Variants in FSIP1 observed in about 807,000 individuals in gnomAD.
FSIP1 encodes the protein fibrous sheath interacting protein 1.
Under a neutral mutation model 60.9 loss-of-function variants are expected in FSIP1, and 65 were observed. The ratio of observed to expected loss-of-function variants is 1.07; its 90% CI spans 0.87 to 1.31. The LOEUF is 1.31. FSIP1 is among the 40% of genes most tolerant of loss of function. The pLI, the probability that FSIP1 is intolerant of heterozygous loss-of-function variation, is 0.00. For missense variants in FSIP1, 675 were observed against 665.5 expected (o/e 1.01, Z -0.16); for synonymous variants, 209 against 221.2 (o/e 0.94, Z 0.49).
chr15:39,768,566 T>A (rs1595402189), intron 3 of FSIP1, among the ~76,000 whole-genome samples: 1 of 152,354 alleles, frequency 6.6e-6, no homozygotes, highest in East Asian at 1.9e-4. Context: ...AATATCTGGA[T>A]GAAGGGAAGA....
intron 8 of FSIP1, among the ~76,000 whole-genome samples, chr15:39,729,173 AG>A (rs1371646963): frequency 2.0e-5 from 3 of 152,256 alleles, no homozygotes; most frequent in African/African-American, 7.2e-5. Flanking sequence ...TGTGGAAAGC[AG>A]TGTGGCAATT....
chr15:39,706,285 G>GA (rs1158800007), intron 10 of FSIP1, among the ~76,000 whole-genome samples: 1 of 152,086 alleles, frequency 6.6e-6, no homozygotes, highest in Non-Finnish European at 1.5e-5. Context: ...TTTTCCAGGA[G>GA]AAAAAATAAC....
chr15:39,614,940 T>C (rs1350027462), intron 11 of FSIP1, among the ~76,000 whole-genome samples: 2 of 152,126 alleles, frequency 1.3e-5, no homozygotes, highest in African/African-American at 4.8e-5. Context: ...TAAAAACAGA[T>C]AAGTCAATCA....
At chr15:39,740,052 T>A (rs761727154) in intron 6 of FSIP1, among the ~76,000 whole-genome samples, 18 of 152,222 alleles carry the variant, frequency 1.2e-4, no homozygotes, top group Admixed American at 4.6e-4. Context: ...GTTGATTCCA[T>A]GAGAATGATG....
intron 8 of FSIP1, among the ~76,000 whole-genome samples, chr15:39,728,102 G>A (rs1896267156): frequency 6.6e-6 from 1 of 152,238 alleles, no homozygotes; most frequent in South Asian, 2.1e-4. Flanking sequence ...CCTCTACAAT[G>A]AGAATTAAAA....
downstream of FSIP1, chr15:39,599,045 C>T (rs1265388048): frequency 6.6e-6 from 1 of 152,238 alleles, no homozygotes; most frequent in Middle Eastern, 3.2e-3. Flanking sequence ...CCTGCCTCAG[C>T]CTCCCAAGTA....
chr15:39,711,802 A>T (rs1230592750), intron 10 of FSIP1, among the ~76,000 whole-genome samples: 1 of 146,102 alleles, frequency 6.8e-6, no homozygotes, highest in Non-Finnish European at 1.5e-5. Flanking sequence ...CTCCTGCCTC[A>T]GCCTCCCAAG....
intron 8 of FSIP1, among the ~76,000 whole-genome samples, chr15:39,733,409 A>G (rs528213189): frequency 6.6e-6 from 1 of 152,316 alleles, no homozygotes; most frequent in African/African-American, 2.4e-5. Context: ...AACCCAACTT[A>G]GAAAACTGTA....
chr15:39,674,601 A>G (rs1893864859), intron 10 of FSIP1, among the ~76,000 whole-genome samples: 1 of 152,178 alleles, frequency 6.6e-6, no homozygotes, highest in Admixed American at 6.5e-5. Flanking sequence ...ACACATATGC[A>G]TAACTTTAAT....
At position 39,776,566 on chromosome 15, in the gene FSIP1, A is replaced by G. The variant is rs1361351580; in HGVS notation, c.-7-35T>C. Reference sequence around the variant, plus strand: ...CAAATAAAATATTTAATACCAAGCGACTCGGATATTTAAATCTTTCATTAG... The same window carrying G: ...CAAATAAAATATTTAATACCAAGCGGCTCGGATATTTAAATCTTTCATTAG... On this transcript the variant is annotated intron_variant, in intron 1 of 11. Coordinates refer to ENST00000350221, the MANE Select transcript of FSIP1 (RefSeq NM_152597.5). 2.0e-6 allele frequency: 3 copies of G among 1,515,606 alleles called. No homozygotes were observed. In the South Asian group the frequency reaches 3.6e-5, roughly 18 times the overall value. The allele number at this position is 1,515,606 out of a possible 1,614,324, so 93.9% of individuals were successfully genotyped here.
chr15:39,692,052 A>G (rs565631649), intron 10 of FSIP1, among the ~76,000 whole-genome samples: 9 of 108,760 alleles, frequency 8.3e-5, no homozygotes, highest in African/African-American at 2.4e-4. Flanking sequence ...TATTTTCTAC[A>G]AAGTCGAAAA....
chr15:39,675,317 GTGCCATTCCTCTGTGAAA>G lies in FSIP1; in HGVS notation c.1188+38109_1188+38126del, dbSNP rs575326184. On this transcript the variant is annotated intron_variant, in intron 10 of 11. Coordinates refer to ENST00000350221, the MANE Select transcript of FSIP1 (RefSeq NM_152597.5). The stretch of plus-strand genomic sequence containing the variant: ...TATATCTGTATATATACATTCCTCT[GTGCCATTCCTCTGTGAAA>G]TGCCATTCCTCTGTGAAAACTAGAG... Among the ~76,000 whole-genome samples the G allele has an allele frequency of 5.3e-5, 8 of 152,244 alleles. No individual in the cohort carries two copies. In the South Asian group the frequency reaches 1.7e-3, roughly 32 times the overall value.
At chr15:39,716,628 C>T (rs1198005635) in intron 9 of FSIP1, among the ~76,000 whole-genome samples, 1 of 152,134 alleles carries the variant, frequency 6.6e-6, no homozygotes, top group East Asian at 1.9e-4. Flanking sequence ...ACCTCCTCAA[C>T]ATCATTAGTC....
intron 10 of FSIP1, among the ~76,000 whole-genome samples, chr15:39,657,527 G>T (rs942451208): frequency 6.6e-6 from 1 of 152,072 alleles, no homozygotes; most frequent in African/African-American, 2.4e-5. Flanking sequence ...GAAAAACTTG[G>T]CACACCTTTA....
intron 1 of FSIP1, 70 bp from the exon 2 acceptor site, chr15:39,776,601 A>G: frequency 1.5e-6 from 2 of 1,322,050 alleles, no homozygotes; most frequent in Non-Finnish European, 1.1e-6. Flanking sequence ...GTTAGTATTA[A>G]TATCCAATTA....
At chr15:39,717,149 G>A (rs1017853310) in intron 9 of FSIP1, among the ~76,000 whole-genome samples, 6 of 152,128 alleles carry the variant, frequency 3.9e-5, no homozygotes, top group African/African-American at 1.4e-4. Flanking sequence ...TGTCGATCAT[G>A]TGATCCAAAA....
At chr15:39,694,638 A>G (rs1273504315) in intron 10 of FSIP1, among the ~76,000 whole-genome samples, 1 of 151,992 alleles carries the variant, frequency 6.6e-6, no homozygotes, top group African/African-American at 2.4e-5. Flanking sequence ...CGTCTCTACT[A>G]AAAATACAAA....
intron 10 of FSIP1, among the ~76,000 whole-genome samples, chr15:39,707,834 T>G (rs1425297154): frequency 6.6e-6 from 1 of 152,094 alleles, no homozygotes. Context: ...AGTCTGGCCC[T>G]TAACCACCAA....
At chr15:39,743,463 A>G (rs8036018) in intron 5 of FSIP1, among the ~76,000 whole-genome samples, 21,068 of 152,092 alleles carry the variant, frequency 0.14, 2,419 homozygotes, top group African/African-American at 0.31. Flanking sequence ...TGAATTCCAC[A>G]TCTCCCTTTA....
Sources: gnomAD v4.1 joint callset for allele counts (sites outside exome capture counted in the v4.1 genomes callset) on GRCh38, gnomAD v4.1.1 for gene constraint, MANE v1.5 for transcripts, NCBI Gene and HGNC (gene_info 2026-07-23, HGNC 2026-07-21) for gene names.